HDAC9: variants seen among roughly 807,000 people sequenced by gnomAD.
HDAC9 encodes histone deacetylase 9.
A neutral mutation model predicts 139.4 loss-of-function variants in HDAC9; 41 were observed. The observed-to-expected ratio is 0.29, with a 90% confidence interval of 0.23 to 0.38. The LOEUF (loss-of-function observed/expected upper bound fraction) is 0.38. Among genes scored for constraint, HDAC9 ranks in the 10% least tolerant of loss-of-function variants. The probability of loss-of-function intolerance (pLI) is 1.00; values close to 1 mark genes in which losing one functional copy is unlikely to be tolerated. For synonymous variants in HDAC9, 517 were observed against 476.2 expected (o/e 1.09, Z -1.12); for missense variants, 1,147 against 1,297.0 (o/e 0.88, Z 1.78).
chr7:18,675,207 C>G (rs186271754), intron 12 of HDAC9, among the ~76,000 whole-genome samples: 9 of 152,112 alleles, frequency 5.9e-5, no homozygotes, highest in African/African-American at 1.9e-4. Context: ...GCATCAAACC[C>G]TATGTATGCA....
At chr7:18,168,632 T>C (rs753595218) in intron 2 of HDAC9, among the ~76,000 whole-genome samples, 2 of 151,922 alleles carry the variant, frequency 1.3e-5, no homozygotes, top group Non-Finnish European at 2.9e-5. Flanking sequence ...ATAATAACTC[T>C]AGGGAAACAC....
At chr7:18,960,009 A>AACACACACAC (rs58030908) in intron 24 of HDAC9, among the ~76,000 whole-genome samples, 4,612 of 148,984 alleles carry the variant, frequency 0.031, 127 homozygotes, top group African/African-American at 0.075. Flanking sequence ...TGTTGTTTTA[A>AACACACACAC]ACACACACAC....
upstream of HDAC9, among the ~76,000 whole-genome samples, chr7:18,286,606 C>T (rs930547380): frequency 2.0e-4 from 30 of 151,454 alleles, no homozygotes; most frequent in African/African-American, 6.1e-4. Context: ...AAATGTGGTC[C>T]AAGTCTTTAG....
intron 2 of HDAC9, among the ~76,000 whole-genome samples, chr7:18,190,942 T>A (rs2128150131): frequency 6.6e-6 from 1 of 152,370 alleles, no homozygotes; most frequent in South Asian, 2.1e-4. Flanking sequence ...GTCAAAAGTC[T>A]ACTTCCCTAT....
intron 12 of HDAC9, among the ~76,000 whole-genome samples, chr7:18,676,734 A>G (rs1411537663): frequency 6.6e-6 from 1 of 151,834 alleles, no homozygotes; most frequent in African/African-American, 2.4e-5. Context: ...ATCACCTACA[A>G]ATCTTAAAAT....
chr7:18,617,592 A>G (rs1310947642), intron 6 of HDAC9, among the ~76,000 whole-genome samples: 4 of 152,260 alleles, frequency 2.6e-5, no homozygotes, highest in African/African-American at 9.6e-5. Context: ...GCCACCCCAG[A>G]TAGTCACTTC....
chr7:18,429,185 T>G (rs1790404351), intron 1 of HDAC9: 1 of 152,238 alleles, frequency 6.6e-6, no homozygotes, highest in Admixed American at 6.5e-5. Context: ...GAATTTGTTT[T>G]GGAACTGCTG....
chr7:18,832,839 G>A (rs1585120719), intron 19 of HDAC9, among the ~76,000 whole-genome samples: 2 of 152,048 alleles, frequency 1.3e-5, no homozygotes, highest in African/African-American at 2.4e-5. Flanking sequence ...GGGTTCAAGC[G>A]ATTCTCCTGC....
intron 2 of HDAC9, among the ~76,000 whole-genome samples, chr7:18,276,544 C>G (rs776288499): frequency 6.6e-6 from 1 of 152,160 alleles, no homozygotes; most frequent in Non-Finnish European, 1.5e-5. Flanking sequence ...GATCATCATA[C>G]ATGCATTTTG....
At chr7:18,905,952 CTTCA>C (rs373134112) in intron 22 of HDAC9, among the ~76,000 whole-genome samples, 18 of 135,796 alleles carry the variant, frequency 1.3e-4, no homozygotes, top group African/African-American at 5.0e-4. Flanking sequence ...TCTTTCTTTC[CTTCA>C]TTCCTTCCTT....
In HDAC9 at chr7:18,590,382, A is replaced by G. The variant is rs1351025187; in HGVS notation, c.311A>G (p.Glu104Gly). 1 of 1,611,724 alleles carries G rather than the reference A, an allele frequency of 6.2e-7. No homozygotes were observed. Among genetic ancestry groups the G allele is most frequent in the East Asian group, 2.2e-5 (1 of 44,870 alleles). Residue 104 changes from glutamate (E) to glycine (G), a missense_variant, in exon 4 of 26, where the codon GAA becomes GGA. Glu to Gly is a moderately conservative substitution (Grantham distance 98). Around this residue, in one of 7 missense-constraint regions of HDAC9, gnomAD observed 136 missense variants for 183.5 expected, o/e 0.74. Transcript: ENST00000686413. ...ATAAAACAGCAACAAGAACTCCTAG[A>G]AAAGGAGCAGAAACTGGAGCAGCAG... Reference protein sequence around the residue: ...LAIKQQQELLEKEQKLEQQRQ... With the variant: ...LAIKQQQELLGKEQKLEQQRQ...
intron 2 of HDAC9, among the ~76,000 whole-genome samples, chr7:18,241,777 G>A (rs1049296596): frequency 1.1e-4 from 16 of 152,230 alleles, no homozygotes; most frequent in Non-Finnish European, 1.8e-4. Flanking sequence ...GGCCAGTTGA[G>A]GTATATGTAT....
intron 2 of HDAC9, among the ~76,000 whole-genome samples, chr7:18,277,285 G>T (rs541490903): frequency 6.6e-6 from 1 of 152,148 alleles, no homozygotes; most frequent in Non-Finnish European, 1.5e-5. Context: ...TTGGATGGAG[G>T]ACACTGGCCA....
At chr7:18,870,670 A>G (rs1248274704) in intron 21 of HDAC9, among the ~76,000 whole-genome samples, 1 of 152,116 alleles carries the variant, frequency 6.6e-6, no homozygotes, top group Non-Finnish European at 1.5e-5. Context: ...TATTATCATT[A>G]TTATTGTTAT....
chr7:18,510,523 G>T (rs942897153), intron 2 of HDAC9, among the ~76,000 whole-genome samples: 1 of 152,036 alleles, frequency 6.6e-6, no homozygotes, highest in Admixed American at 6.5e-5. Flanking sequence ...GGCAAAAATA[G>T]GTGGATTTTT....
rs528324163 is a variant in HDAC9 at position 18,913,829 on chromosome 7, T to C, written c.2804-21980T>C. Among the ~76,000 whole-genome samples the C allele has an allele frequency of 7.2e-4, 109 of 152,194 alleles. 1 individual carries two copies. Among genetic ancestry groups the C allele is most frequent in the African/African-American group, 2.5e-3 (104 of 41,562 alleles). ...CAATATAAGTACTCATTGTAAATTGTAAATTAGCTCTTTCAATAATTCTGG... is the reference window on the plus strand; with the variant it reads ...CAATATAAGTACTCATTGTAAATTGCAAATTAGCTCTTTCAATAATTCTGG... On this transcript the variant is annotated intron_variant, in intron 22 of 25. Transcript: ENST00000686413.
chr7:18,791,200 A>G (rs1317856165), intron 16 of HDAC9, among the ~76,000 whole-genome samples: 2 of 152,200 alleles, frequency 1.3e-5, no homozygotes, highest in Non-Finnish European at 2.9e-5. Flanking sequence ...GAAATAAAGA[A>G]AGAAACAAAG....
chr7:18,187,376 A>G (rs556750031), intron 2 of HDAC9, among the ~76,000 whole-genome samples: 30 of 152,256 alleles, frequency 2.0e-4, no homozygotes, highest in African/African-American at 7.0e-4. Context: ...TTAAAACCCT[A>G]TTCTATCTTC....
At chr7:18,914,823 G>C (rs1803045980) in intron 22 of HDAC9, among the ~76,000 whole-genome samples, 1 of 151,880 alleles carries the variant, frequency 6.6e-6, no homozygotes, top group Non-Finnish European at 1.5e-5. Context: ...AGATATAGCA[G>C]AAAAAACCTC....
Sources: allele counts gnomAD v4.1 joint callset (sites outside exome capture counted in the v4.1 genomes callset), GRCh38; gene constraint gnomAD v4.1.1; regional missense constraint gnomAD v4.1.1; transcripts MANE v1.5; gene names NCBI Gene and HGNC (gene_info 2026-07-23, HGNC 2026-07-21).